ANOS1: variants seen among roughly 807,000 people sequenced by gnomAD.
ANOS1 encodes anosmin-1.
ANOS1 carries 6 observed loss-of-function variants against 59.0 expected under a neutral mutation model. The observed-to-expected ratio is 0.10, with a 90% CI of 0.06 to 0.20. The LOEUF is 0.20. Ranked by LOEUF, ANOS1 falls within the 10% of genes least tolerant of loss-of-function variation. The pLI is 1.00. For missense variants in ANOS1, 433 were observed against 542.3 expected (o/e 0.80, Z 2.00); for synonymous variants, 217 against 223.4 (o/e 0.97, Z 0.25).
At chrX:8,716,546 G>A (rs1042070618) in intron 1 of ANOS1, among the ~76,000 whole-genome samples, 3 of 111,868 alleles carry the variant, frequency 2.7e-5, no homozygotes, top group African/African-American at 9.8e-5. Context: ...TGTAAGCATA[G>A]GAAGGGACAG....
intron 1 of ANOS1, among the ~76,000 whole-genome samples, chrX:8,707,400 C>T (rs1348274430): frequency 9.0e-6 from 1 of 111,686 alleles, no homozygotes; most frequent in African/African-American, 3.3e-5. Flanking sequence ...AAGAAGTAGG[C>T]TCATTATTTT....
At chrX:8,558,270 T>A (rs1400496987) in intron 8 of ANOS1, among the ~76,000 whole-genome samples, 3 of 111,280 alleles carry the variant, frequency 2.7e-5, no homozygotes, top group African/African-American at 9.8e-5. Context: ...TGTATACCTA[T>A]GTTAACAAAC....
intron 1 of ANOS1, among the ~76,000 whole-genome samples, chrX:8,719,178 C>T (rs1013109164): frequency 9.0e-6 from 1 of 111,604 alleles, no homozygotes; most frequent in Non-Finnish European, 1.9e-5. Context: ...ATCTCTCTCC[C>T]GTATTTTAGG....
At chrX:8,715,176 CT>C (rs1392374188) in intron 1 of ANOS1, among the ~76,000 whole-genome samples, 1 of 112,373 alleles carries the variant, frequency 8.9e-6, no homozygotes, top group Non-Finnish European at 1.9e-5. Flanking sequence ...AATTAAATGA[CT>C]TTTTTTCCTT....
intron 8 of ANOS1, among the ~76,000 whole-genome samples, chrX:8,565,351 G>A (rs1371426684): frequency 9.0e-6 from 1 of 111,398 alleles, no homozygotes; most frequent in Non-Finnish European, 1.9e-5. Flanking sequence ...CTGAGAAGGG[G>A]GTTGGTAAGG....
At chrX:8,665,677 T>A (rs988117568) in intron 2 of ANOS1, among the ~76,000 whole-genome samples, 11 of 112,306 alleles carry the variant, frequency 9.8e-5, no homozygotes, top group African/African-American at 3.6e-4. Context: ...GCTGAGATGT[T>A]GGGGACCCAA....
intron 2 of ANOS1, among the ~76,000 whole-genome samples, chrX:8,658,753 G>A (rs753934357): frequency 9.0e-6 from 1 of 111,609 alleles, no homozygotes; most frequent in Non-Finnish European, 1.9e-5. Context: ...CACTTTGCAG[G>A]TAAAGAGGCA....
At chrX:8,702,284 G>C (rs937336016) in intron 1 of ANOS1, among the ~76,000 whole-genome samples, 3 of 112,237 alleles carry the variant, frequency 2.7e-5, no homozygotes, top group Non-Finnish European at 5.6e-5. Flanking sequence ...TGATGGGCGT[G>C]GTTGAATTAC....
intron 3 of ANOS1, among the ~76,000 whole-genome samples, chrX:8,598,537 T>C (rs1310260089): frequency 9.0e-6 from 1 of 111,272 alleles, no homozygotes; most frequent in Non-Finnish European, 1.9e-5. Context: ...GCTCTCCTTT[T>C]TCCTATGGAA....
chrX:8,630,828 A>T (rs963765696), intron 2 of ANOS1, among the ~76,000 whole-genome samples: 1 of 112,976 alleles, frequency 8.9e-6, no homozygotes, highest in African/African-American at 3.2e-5. Flanking sequence ...AAACCAGAGC[A>T]AAAGTCTTTA....
intron 3 of ANOS1, among the ~76,000 whole-genome samples, chrX:8,604,238 C>T (rs1304401794): frequency 9.0e-6 from 1 of 111,293 alleles, no homozygotes; most frequent in African/African-American, 3.3e-5. Flanking sequence ...AGCTTGCTTC[C>T]CTATTAGAAT....
At chrX:8,644,030 A>C (rs1931709309) in intron 2 of ANOS1, among the ~76,000 whole-genome samples, 1 of 110,787 alleles carries the variant, frequency 9.0e-6, no homozygotes, top group African/African-American at 3.3e-5. Context: ...TGCCCCGACC[A>C]CCTTGGACAC....
intron 1 of ANOS1, among the ~76,000 whole-genome samples, chrX:8,702,088 C>A (rs940043002): frequency 1.8e-5 from 2 of 111,202 alleles, no homozygotes; most frequent in Non-Finnish European, 3.8e-5. Context: ...TACCTACCAC[C>A]TACTGAGTTC....
chrX:8,594,334 G>A (rs538862626), intron 4 of ANOS1, among the ~76,000 whole-genome samples: 15 of 109,297 alleles, frequency 1.4e-4, no homozygotes, highest in African/African-American at 4.7e-4. Context: ...TGGTTTGTGC[G>A]CTGACTGGGC....
chrX:8,661,082 G>A (rs1932029097), intron 2 of ANOS1, among the ~76,000 whole-genome samples: 1 of 111,602 alleles, frequency 9.0e-6, no homozygotes, highest in African/African-American at 3.3e-5. Flanking sequence ...GGTGTGGGCA[G>A]GGCTGGTTCC....
At chrX:8,536,998 A>T (rs1210146553) in intron 10 of ANOS1, 56 bp from the exon 11 acceptor site, 30 of 987,378 alleles carry the variant, frequency 3.0e-5, no homozygotes, top group Non-Finnish European at 4.2e-5. Context: ...GGATTAAAAA[A>T]CACTGGCAAG....
At chrX:8,600,972 C>T (rs1167641396) in intron 3 of ANOS1, among the ~76,000 whole-genome samples, 9 of 110,915 alleles carry the variant, frequency 8.1e-5, no homozygotes, top group East Asian at 2.8e-4. Flanking sequence ...AGGTGGATCA[C>T]GAGGTCAGGA....
intron 2 of ANOS1, among the ~76,000 whole-genome samples, chrX:8,679,108 G>A (rs1932380843): frequency 9.0e-6 from 1 of 111,232 alleles, no homozygotes; most frequent in Non-Finnish European, 1.9e-5. Context: ...AGGTTCAAGG[G>A]GCCTTTCCAA....
intron 6 of ANOS1, among the ~76,000 whole-genome samples, chrX:8,579,703 C>A (rs1930388503): frequency 9.0e-6 from 1 of 110,920 alleles, no homozygotes; most frequent in African/African-American, 3.3e-5. Flanking sequence ...TGTGTCTGGG[C>A]TCAGAGCAAG....
Sources: gnomAD v4.1 joint callset for allele counts (sites outside exome capture counted in the v4.1 genomes callset) on GRCh38, gnomAD v4.1.1 for gene constraint, MANE v1.5 for transcripts, NCBI Gene and HGNC (gene_info 2026-07-23, HGNC 2026-07-21) for gene names.